Variants in NUMB observed in about 807,000 individuals in gnomAD.
The protein encoded by NUMB is NUMB endocytic adaptor protein.
Under a neutral mutation model 59.7 loss-of-function variants are expected in NUMB, and 29 were observed. That is an observed-to-expected ratio of 0.49 (90% CI 0.36 to 0.66). NUMB has a LOEUF of 0.66. Among genes scored for constraint, NUMB ranks in the 30% least tolerant of loss-of-function variants. The pLI is 0.00. For missense variants in NUMB, 723 were observed against 822.0 expected, an observed-to-expected ratio of 0.88 and a Z score of 1.47; for synonymous variants, 288 against 288.2, an observed-to-expected ratio of 1.00 and a Z score of 0.01.
At chr14:73,339,308 T>A (rs1178778686) in intron 4 of NUMB, among the ~76,000 whole-genome samples, 1 of 152,160 alleles carries the variant, frequency 6.6e-6, no homozygotes, top group Non-Finnish European at 1.5e-5. Flanking sequence ...TGGTCTGGTA[T>A]CCTGTTACTT....
At position 73,386,867 on chromosome 14, in the gene NUMB, A is replaced by ATTTTTTTTTTTTT. The variant is rs71112745; in HGVS notation, c.-100-19899_-100-19887dup. 2.6e-4 allele frequency among the ~76,000 whole-genome samples: 21 copies of ATTTTTTTTTTTTT among 79,846 alleles called. 3 individuals carry two copies. The highest frequency in any genetic ancestry group is 1.6e-3 in the East Asian group (3 of 1,850). The allele number at this position is 79,846 out of a possible 152,430, so 52.4% of individuals were successfully genotyped here. On this transcript the variant is annotated intron_variant, in intron 2 of 12. Coordinates refer to ENST00000555238, the MANE Select transcript of NUMB (RefSeq NM_001005743.2). ...TACAAGACAATCTATCAGGTGTCTTATTTTTTTTTTTTTTTTTTTTTTTTT... is the reference window on the plus strand; with the variant it reads ...TACAAGACAATCTATCAGGTGTCTTATTTTTTTTTTTTTTTTTTTTTTTTTTTTTTTTTTTTTT...
intron 6 of NUMB, among the ~76,000 whole-genome samples, chr14:73,301,262 A>G (rs962438222): frequency 2.0e-5 from 3 of 152,232 alleles, no homozygotes; most frequent in Non-Finnish European, 4.4e-5. Flanking sequence ...AGTTTAATCA[A>G]TCTGCTCATT....
intron 2 of NUMB, among the ~76,000 whole-genome samples, chr14:73,376,803 G>C (rs911814367): frequency 2.6e-5 from 4 of 152,174 alleles, no homozygotes; most frequent in African/African-American, 9.7e-5. Context: ...CTTGAGTCCA[G>C]GAGTTTGAGA....
intron 11 of NUMB, among the ~76,000 whole-genome samples, chr14:73,279,750 C>CA (rs932544423): frequency 3.3e-5 from 5 of 152,114 alleles, no homozygotes; most frequent in African/African-American, 1.2e-4. Flanking sequence ...TTAGGAGCAG[C>CA]AAAAAATATC....
intron 4 of NUMB, among the ~76,000 whole-genome samples, chr14:73,341,777 A>G (rs1457530312): frequency 2.0e-5 from 3 of 152,226 alleles, no homozygotes; most frequent in African/African-American, 7.2e-5. Context: ...AACTATATTC[A>G]ACATTGTTTA....
At chr14:73,435,660 C>T (rs1013247093) in intron 1 of NUMB, among the ~76,000 whole-genome samples, 1 of 151,978 alleles carries the variant, frequency 6.6e-6, no homozygotes, top group Non-Finnish European at 1.5e-5. Context: ...GAAATGTTCA[C>T]AACAATACTT....
intron 3 of NUMB, 62 bp from the exon 4 acceptor site, chr14:73,355,828 G>T: frequency 7.4e-7 from 1 of 1,344,812 alleles, no homozygotes; most frequent in Non-Finnish European, 1.0e-6. Context: ...TTTAAACTTT[G>T]GATTACCATA....
At chr14:73,405,549 C>T (rs535701409) in intron 2 of NUMB, among the ~76,000 whole-genome samples, 11 of 151,528 alleles carry the variant, frequency 7.3e-5, no homozygotes, top group East Asian at 1.9e-4. Context: ...GTTATCCTCC[C>T]GCCTCATCCC....
At chr14:73,321,322 T>C (rs1051132119) in intron 5 of NUMB, among the ~76,000 whole-genome samples, 1 of 152,230 alleles carries the variant, frequency 6.6e-6, no homozygotes, top group Admixed American at 6.5e-5. Context: ...GTTCACTGTT[T>C]TCAGTCATTA....
intron 2 of NUMB, chr14:73,409,130 C>G (rs982904584): frequency 6.6e-6 from 1 of 152,106 alleles, no homozygotes; most frequent in African/African-American, 2.4e-5. Flanking sequence ...ACGTTAGATT[C>G]CATCCCATAT....
intron 1 of NUMB, among the ~76,000 whole-genome samples, chr14:73,417,925 T>C (rs986219527): frequency 6.6e-6 from 1 of 151,902 alleles, no homozygotes; most frequent in African/African-American, 2.4e-5. Flanking sequence ...ACCAACATGG[T>C]GAAACCCCAT....
At chr14:73,345,248 G>A (rs1270980204) in intron 4 of NUMB, among the ~76,000 whole-genome samples, 1 of 152,158 alleles carries the variant, frequency 6.6e-6, no homozygotes, top group African/African-American at 2.4e-5. Flanking sequence ...CACAGGAACA[G>A]AAAACCAAAT....
intron 10 of NUMB, 135 bp from the exon 11 acceptor site, chr14:73,282,640 G>A: frequency 3.3e-6 from 3 of 921,786 alleles, no homozygotes; most frequent in Non-Finnish European, 4.6e-6. Flanking sequence ...GTATGGCAGG[G>A]CTACAAAACC....
At chr14:73,292,912 G>GA in intron 7 of NUMB, 38 bp from the exon 8 acceptor site, 1 of 1,603,994 alleles carries the variant, frequency 6.2e-7, no homozygotes. Context: ...GAAGACTTAT[G>GA]AGGTTATCTG....
At chr14:73,417,459 C>T (rs1275534622) in intron 1 of NUMB, among the ~76,000 whole-genome samples, 1 of 151,852 alleles carries the variant, frequency 6.6e-6, no homozygotes, top group Non-Finnish European at 1.5e-5. Context: ...TATCACAAGT[C>T]CCAGAAGGGG....
chr14:73,396,241 C>T (rs921390747), intron 2 of NUMB, among the ~76,000 whole-genome samples: 10 of 152,010 alleles, frequency 6.6e-5, no homozygotes, highest in Non-Finnish European at 1.3e-4. Flanking sequence ...AGCTACCATA[C>T]CTAGCCAGCC....
At chr14:73,295,887 T>C (rs1462885121) in intron 7 of NUMB, among the ~76,000 whole-genome samples, 2 of 152,166 alleles carry the variant, frequency 1.3e-5, no homozygotes, top group African/African-American at 4.8e-5. Context: ...TACCTATGAT[T>C]TGAGATATTA....
chr14:73,358,279 G>GT (rs1219801322), intron 3 of NUMB, among the ~76,000 whole-genome samples: 2 of 152,170 alleles, frequency 1.3e-5, no homozygotes, highest in Non-Finnish European at 2.9e-5. Flanking sequence ...ATCCCAATAT[G>GT]TTCTAAAACA....
chr14:73,333,486 C>G (rs1057491620), intron 4 of NUMB, among the ~76,000 whole-genome samples: 4 of 152,112 alleles, frequency 2.6e-5, no homozygotes, highest in African/African-American at 9.7e-5. Flanking sequence ...GCTGACTCAG[C>G]CTCCAAAAGT....
Sources: allele counts gnomAD v4.1 joint callset (sites outside exome capture counted in the v4.1 genomes callset), GRCh38; gene constraint gnomAD v4.1.1; transcripts MANE v1.5; gene names NCBI Gene and HGNC (gene_info 2026-07-23, HGNC 2026-07-21).